The following IQCK variants were observed in gnomAD, a reference collection of about 807,000 sequenced individuals.
The protein encoded by IQCK is IQ domain-containing protein K.
IQCK carries 29 observed loss-of-function variants against 28.1 expected under a neutral mutation model. The observed-to-expected ratio is 1.03, with a 90% CI of 0.77 to 1.41. The LOEUF is 1.41. Ranked by LOEUF, IQCK falls within the 40% of genes most tolerant of loss-of-function variation. The pLI, the probability that IQCK is intolerant of heterozygous loss-of-function variation, is 0.00. For synonymous variants in IQCK, 113 were observed against 115.1 expected (o/e 0.98, Z 0.12); for missense variants, 359 against 314.7 (o/e 1.14, Z -1.07).
At chr16:19,745,274 T>A (rs1311261598) in intron 4 of IQCK, among the ~76,000 whole-genome samples, 2 of 152,216 alleles carry the variant, frequency 1.3e-5, no homozygotes, top group African/African-American at 2.4e-5. Context: ...CCATTCATTC[T>A]TTCTTTAATG....
intron 7 of IQCK, among the ~76,000 whole-genome samples, chr16:19,820,641 T>G (rs1415585331): frequency 2.2e-5 from 3 of 135,138 alleles, no homozygotes; most frequent in Non-Finnish European, 4.6e-5. Context: ...AGAGGGAAAC[T>G]CTGTATCAAA....
At chr16:19,729,268 T>G (rs1457014004) in intron 1 of IQCK, among the ~76,000 whole-genome samples, 1 of 151,994 alleles carries the variant, frequency 6.6e-6, no homozygotes, top group African/African-American at 2.4e-5. Context: ...GCGCCATGCC[T>G]GGCTAATTTT....
intron 4 of IQCK, among the ~76,000 whole-genome samples, chr16:19,754,865 G>A (rs1473361677): frequency 6.6e-6 from 1 of 152,136 alleles, no homozygotes; most frequent in African/African-American, 2.4e-5. Context: ...TGGCAGGAAA[G>A]GTGTGGTAGA....
chr16:19,818,957 T>C (rs946369624), intron 7 of IQCK, among the ~76,000 whole-genome samples: 5 of 152,134 alleles, frequency 3.3e-5, no homozygotes, highest in Admixed American at 6.5e-5. Flanking sequence ...ATTGGATCAA[T>C]TGGCATAAAA....
chr16:19,854,389 T>A (rs2056526882), intron 9 of IQCK, among the ~76,000 whole-genome samples: 1 of 151,648 alleles, frequency 6.6e-6, no homozygotes, highest in African/African-American at 2.4e-5. Flanking sequence ...CTATTGCAAA[T>A]GTCCCCAACT....
At chr16:19,772,969 A>G (rs898297235) in intron 6 of IQCK, among the ~76,000 whole-genome samples, 3 of 152,056 alleles carry the variant, frequency 2.0e-5, no homozygotes, top group Admixed American at 1.3e-4. Context: ...TGCCGCTGCA[A>G]TCCAGCCTGG....
intron 4 of IQCK, among the ~76,000 whole-genome samples, chr16:19,760,243 T>C (rs1478908579): frequency 6.6e-6 from 1 of 152,226 alleles, no homozygotes; most frequent in Non-Finnish European, 1.5e-5. Flanking sequence ...ATAATAGTGC[T>C]AAAAAGTCTC....
Position 19,772,713 on chromosome 16 carries a change from T to C in IQCK, c.605+8601T>C, listed in dbSNP as rs149928230. Reference sequence around the variant, plus strand: ...TTAAAATTTCCATAACAAAAATTTTTTTAAATGAGATTAGGGCTAGATGCA... The same window carrying C: ...TTAAAATTTCCATAACAAAAATTTTCTTAAATGAGATTAGGGCTAGATGCA... On this transcript the variant is annotated intron_variant, in intron 6 of 7. Coordinates refer to ENST00000564186, the Ensembl canonical transcript of IQCK. Among the ~76,000 whole-genome samples, 1,283 of 152,304 alleles carry C rather than the reference T, an allele frequency of 8.4e-3. 26 individuals are homozygous for C. The highest frequency in any genetic ancestry group is 0.029 in the African/African-American group (1,202 of 41,562).
At chr16:19,827,191 T>C (rs2056160799), downstream of IQCK, 5 of 1,304,642 alleles carry the variant, frequency 3.8e-6, no homozygotes, top group Non-Finnish European at 3.3e-6. Context: ...CTGATTCTTA[T>C]TCCAGGCTCA....
At chr16:19,820,316 A>G (rs1266685404) in intron 7 of IQCK, among the ~76,000 whole-genome samples, 2 of 152,182 alleles carry the variant, frequency 1.3e-5, no homozygotes. Flanking sequence ...CAGGAGTTCG[A>G]GACCAGCCTG....
At chr16:19,824,295 C>T (rs1279689451) in intron 7 of IQCK, among the ~76,000 whole-genome samples, 2 of 152,196 alleles carry the variant, frequency 1.3e-5, no homozygotes, top group Non-Finnish European at 1.5e-5. Flanking sequence ...AGATCCCTCA[C>T]ATGTGCAGTT....
intron 7 of IQCK, among the ~76,000 whole-genome samples, chr16:19,805,832 C>G (rs764593704): frequency 1.4e-4 from 20 of 147,424 alleles, no homozygotes; most frequent in Admixed American, 2.7e-4. Context: ...CCCAAAGGCT[C>G]GGAGGCTAGA....
At chr16:19,774,092 G>C (rs2055355024) in intron 6 of IQCK, among the ~76,000 whole-genome samples, 1 of 152,164 alleles carries the variant, frequency 6.6e-6, no homozygotes, top group African/African-American at 2.4e-5. Flanking sequence ...AGTTGCCAAA[G>C]GAAGTGTAGG....
chr16:19,748,726 T>G (rs2054946639), intron 4 of IQCK, among the ~76,000 whole-genome samples: 1 of 152,270 alleles, frequency 6.6e-6, no homozygotes, highest in Middle Eastern at 3.4e-3. Flanking sequence ...TGGCCAAGGA[T>G]GGACTCTCCT....
At chr16:19,775,343 A>G (rs556253453) in intron 6 of IQCK, among the ~76,000 whole-genome samples, 87 of 152,206 alleles carry the variant, frequency 5.7e-4, no homozygotes, top group African/African-American at 2.0e-3. Context: ...GTTGTTTTCA[A>G]TTTTGGGTAC....
intron 7 of IQCK, among the ~76,000 whole-genome samples, chr16:19,802,677 C>T (rs904818959): frequency 6.6e-6 from 1 of 151,280 alleles, no homozygotes; most frequent in African/African-American, 2.4e-5. Flanking sequence ...CCCATCTCAC[C>T]TTGGAAATCA....
intron 7 of IQCK, among the ~76,000 whole-genome samples, chr16:19,815,740 A>G (rs1452480095): frequency 6.6e-6 from 1 of 152,216 alleles, no homozygotes; most frequent in African/African-American, 2.4e-5. Flanking sequence ...ATGAAAAACT[A>G]GCTTTTGTTT....
At chr16:19,756,917 AAG>A (rs1158133587) in intron 4 of IQCK, among the ~76,000 whole-genome samples, 2 of 151,498 alleles carry the variant, frequency 1.3e-5, no homozygotes, top group Non-Finnish European at 2.9e-5. Context: ...AAAAAAAAGA[AAG>A]AGGCTCCAGA....
intron 7 of IQCK, among the ~76,000 whole-genome samples, chr16:19,793,647 T>TG (rs2055651927): frequency 1.9e-5 from 2 of 103,254 alleles, no homozygotes; most frequent in Non-Finnish European, 3.4e-5. Flanking sequence ...AGTTGGGTTT[T>TG]TTTTTTTTTT....
Sources: allele counts gnomAD v4.1 joint callset (sites outside exome capture counted in the v4.1 genomes callset), GRCh38; gene constraint gnomAD v4.1.1; transcripts MANE v1.5; gene names NCBI Gene and HGNC (gene_info 2026-07-23, HGNC 2026-07-21).